The following OSBPL10 variants were observed in gnomAD, a reference collection of about 807,000 sequenced individuals.
OSBPL10 encodes oxysterol binding protein like 10.
OSBPL10 carries 49 observed loss-of-function variants against 81.7 expected under a neutral mutation model. The observed-to-expected ratio is 0.60, with a 90% CI of 0.48 to 0.76. The LOEUF is 0.76. Among genes scored for constraint, OSBPL10 ranks in the 30% least tolerant of loss-of-function variants. OSBPL10 has a pLI of 0.00. For synonymous variants in OSBPL10, 419 were observed against 383.6 expected, an observed-to-expected ratio of 1.09 and a Z score of -1.08; for missense variants, 923 against 987.8, an observed-to-expected ratio of 0.93 and a Z score of 0.88.
chr3:31,685,078 G>A (rs571465236), intron 7 of OSBPL10, among the ~76,000 whole-genome samples: 1 of 152,276 alleles, frequency 6.6e-6, no homozygotes, highest in Non-Finnish European at 1.5e-5. Flanking sequence ...GTCACTTAAA[G>A]CAACTGAAGG....
chr3:31,980,820 G>A, intron 1 of OSBPL10, 79 bp downstream of exon 1: 2 of 1,421,086 alleles, frequency 1.4e-6, no homozygotes, highest in Non-Finnish European at 1.8e-6. Context: ...CACATACACA[G>A]ACACACATAC....
At chr3:31,788,655 G>A (rs1698923078) in intron 4 of OSBPL10, among the ~76,000 whole-genome samples, 1 of 152,168 alleles carries the variant, frequency 6.6e-6, no homozygotes, top group Non-Finnish European at 1.5e-5. Flanking sequence ...GTGTACACCT[G>A]TAGTTCCAGC....
intron 1 of OSBPL10, among the ~76,000 whole-genome samples, chr3:32,075,310 A>T (rs1282783983): frequency 6.6e-6 from 1 of 152,148 alleles, no homozygotes; most frequent in East Asian, 1.9e-4. Flanking sequence ...TACCTAAATC[A>T]ATCTGGTCTG....
chr3:31,829,691 G>GT (rs1700190348), intron 4 of OSBPL10, among the ~76,000 whole-genome samples: 1 of 152,164 alleles, frequency 6.6e-6, no homozygotes, highest in African/African-American at 2.4e-5. Flanking sequence ...CACTTCCTGA[G>GT]TTTCAAAACA....
chr3:31,917,736 G>C (rs189087101), intron 1 of OSBPL10, among the ~76,000 whole-genome samples: 1 of 149,354 alleles, frequency 6.7e-6, no homozygotes, highest in South Asian at 2.2e-4. Flanking sequence ...CTGGACTAAC[G>C]CACTCTTTTT....
intron 7 of OSBPL10, among the ~76,000 whole-genome samples, chr3:31,691,780 A>G (rs1695561779): frequency 6.6e-6 from 1 of 152,022 alleles, no homozygotes; most frequent in African/African-American, 2.4e-5. Flanking sequence ...CCATCTTCGT[A>G]TTTTATCCTT....
rs7623409 is a variant in OSBPL10, at chr3:32,060,888, G to C, written n.186-14285C>G. On this transcript the variant is annotated intron_variant and non_coding_transcript_variant, in intron 1 of 3. Transcript: ENST00000479173. Reference sequence around the variant, plus strand: ...CTCGGGAGGCTGAGGCGGGAGAACCGCTTGAACCTGGGAGGCGGAGGTTTC... The same window carrying C: ...CTCGGGAGGCTGAGGCGGGAGAACCCCTTGAACCTGGGAGGCGGAGGTTTC... Among the ~76,000 whole-genome samples, 2 of 82,148 alleles carry C rather than the reference G, an allele frequency of 2.4e-5. 1 individual carries two copies. Among genetic ancestry groups the C allele is most frequent in the Non-Finnish European group, 6.4e-5 (2 of 31,104 alleles). The allele number at this position is 82,148 out of a possible 152,430, so 53.9% of individuals were successfully genotyped here. A position where few individuals can be genotyped will look rare whatever the true frequency, so the allele number is the denominator to read the frequency against.
chr3:31,668,777 T>G lies in OSBPL10; in HGVS notation c.1961A>C (p.Lys654Thr). Residue 654 changes from lysine to threonine, a missense_variant, in exon 10 of 12, where the codon AAA becomes ACA. Physicochemically the swap from Lys to Thr is moderately conservative, Grantham distance 78. Transcript: ENST00000396556. ...AGTACCATTCCATTCCCCATGGGCT[T>G]TACAAACAATGGTGTTGGTTGGGTT... The part of the protein sequence containing the change: ...KHNPTNTIVC[K>T]AHGEWNGTLE... 1 of 1,613,902 alleles carries G rather than the reference T, an allele frequency of 6.2e-7. No individual in the cohort carries two copies. Among genetic ancestry groups the G allele is most frequent in the South Asian group, 1.1e-5 (1 of 91,028 alleles).
intron 4 of OSBPL10, among the ~76,000 whole-genome samples, chr3:31,769,935 C>T (rs762958428): frequency 2.6e-5 from 4 of 152,072 alleles, no homozygotes; most frequent in Non-Finnish European, 5.9e-5. Flanking sequence ...CCTGCAATGC[C>T]ATCTCAATGG....
intron 1 of OSBPL10, among the ~76,000 whole-genome samples, chr3:31,950,873 T>G (rs1224141543): frequency 6.6e-6 from 1 of 152,218 alleles, no homozygotes; most frequent in Non-Finnish European, 1.5e-5. Flanking sequence ...ACTTTCCATC[T>G]TGAGTAAAAG....
chr3:31,970,118 C>T (rs1219249262), intron 1 of OSBPL10, among the ~76,000 whole-genome samples: 1 of 152,182 alleles, frequency 6.6e-6, no homozygotes, highest in Non-Finnish European at 1.5e-5. Context: ...ATTAACTGTG[C>T]AGTCTATGTC....
intron 3 of OSBPL10, among the ~76,000 whole-genome samples, chr3:31,843,372 T>C (rs1310608837): frequency 6.6e-6 from 1 of 152,206 alleles, no homozygotes; most frequent in Non-Finnish European, 1.5e-5. Context: ...CCAGTGGGAT[T>C]TGGCTTAAAT....
At chr3:32,009,746 C>G (rs1699236514) in intron 2 of OSBPL10, among the ~76,000 whole-genome samples, 1 of 152,118 alleles carries the variant, frequency 6.6e-6, no homozygotes, top group Non-Finnish European at 1.5e-5. Flanking sequence ...CATCTTGGGC[C>G]CAAGTTTCAA....
chr3:31,662,594 GA>G, intron 11 of OSBPL10: 1 of 994,992 alleles, frequency 1.0e-6, no homozygotes, highest in Non-Finnish European at 1.2e-6. Context: ...TATCAAGTGA[GA>G]AAAAGGCAAG....
intron 1 of OSBPL10, among the ~76,000 whole-genome samples, chr3:31,970,763 T>C (rs1173008858): frequency 6.6e-6 from 1 of 151,986 alleles, no homozygotes; most frequent in Non-Finnish European, 1.5e-5. Flanking sequence ...TTTTGTGATC[T>C]GTGGTCTCAG....
chr3:31,970,910 T>G (rs1182028772), intron 1 of OSBPL10, among the ~76,000 whole-genome samples: 2 of 152,184 alleles, frequency 1.3e-5, no homozygotes. Flanking sequence ...TCCAAACATT[T>G]GTACTCACAG....
At chr3:31,676,713 G>A (rs945686980) in intron 8 of OSBPL10, among the ~76,000 whole-genome samples, 2 of 152,216 alleles carry the variant, frequency 1.3e-5, no homozygotes, top group Non-Finnish European at 2.9e-5. Context: ...TTTCCCCACA[G>A]ACTCAATTAA....
chr3:32,027,275 C>A (rs1458785853), intron 2 of OSBPL10, among the ~76,000 whole-genome samples: 6 of 151,962 alleles, frequency 3.9e-5, no homozygotes, highest in Non-Finnish European at 8.8e-5. Flanking sequence ...TGAGAACATG[C>A]GATGTTTGGT....
intron 4 of OSBPL10, among the ~76,000 whole-genome samples, chr3:31,809,691 T>C (rs894096648): frequency 2.0e-5 from 3 of 152,130 alleles, no homozygotes; most frequent in African/African-American, 4.8e-5. Context: ...ATGTAAAGTA[T>C]TGTAGTTCTG....
Sources: allele counts gnomAD v4.1 joint callset (sites outside exome capture counted in the v4.1 genomes callset), GRCh38; gene constraint gnomAD v4.1.1; transcripts MANE v1.5; gene names NCBI Gene and HGNC (gene_info 2026-07-23, HGNC 2026-07-21).